Variants in FAM110B observed in about 807,000 individuals in gnomAD.
The protein encoded by FAM110B is family with sequence similarity 110 member B.
FAM110B carries 6 observed loss-of-function variants against 20.4 expected under a neutral mutation model. The ratio of observed to expected loss-of-function variants is 0.29; its 90% CI spans 0.16 to 0.58. The LOEUF (loss-of-function observed/expected upper bound fraction) is 0.58, where lower values mean the gene tolerates loss of function less well. Ranked by LOEUF, FAM110B falls within the 20% of genes least tolerant of loss-of-function variation. FAM110B has a pLI of 0.90. For missense variants in FAM110B, 434 were observed against 498.2 expected (o/e 0.87, Z 1.23); for synonymous variants, 226 against 214.1 (o/e 1.06, Z -0.49).
At chr8:58,088,858 T>C (rs533988756) in intron 3 of FAM110B, among the ~76,000 whole-genome samples, 2 of 152,350 alleles carry the variant, frequency 1.3e-5, no homozygotes, top group East Asian at 3.9e-4. Context: ...CTTGCTGCCT[T>C]GTAAACTTGA....
rs185275752 is a variant in FAM110B, at chr8:58,126,448, G to A, written c.-324-19459G>A. The stretch of plus-strand genomic sequence containing the variant: ...TTGCTGGGTTCTATGGTAAGTGTAT[G>A]TTTAGTTTTTCAAGAAACTGCCCAG... On this transcript the variant is annotated intron_variant, in intron 3 of 3. Transcript: ENST00000519262. Among the ~76,000 whole-genome samples, 350 of 152,260 alleles carry A rather than the reference G, an allele frequency of 2.3e-3. 2 individuals are homozygous for A. Among genetic ancestry groups the A allele is most frequent in the African/African-American group, 5.6e-3 (232 of 41,564 alleles).
chr8:58,052,921 G>A (rs1425627085), intron 2 of FAM110B, among the ~76,000 whole-genome samples: 1 of 149,816 alleles, frequency 6.7e-6, no homozygotes, highest in Non-Finnish European at 1.5e-5. Flanking sequence ...GAGTAGCTGG[G>A]ACTACAGGCG....
intron 3 of FAM110B, chr8:58,113,402 A>T (rs1316972620): frequency 9.7e-6 from 2 of 207,244 alleles, no homozygotes; most frequent in East Asian, 2.2e-4. Context: ...TTCTTCCTGT[A>T]AACCTTGACT....
chr8:58,050,924 T>G (rs1490987264), intron 2 of FAM110B, among the ~76,000 whole-genome samples: 12 of 152,162 alleles, frequency 7.9e-5, no homozygotes, highest in Admixed American at 7.9e-4. Context: ...GCTGCCAAAT[T>G]CACCCCAGCG....
intron 2 of FAM110B, among the ~76,000 whole-genome samples, chr8:58,073,944 A>G (rs1172690702): frequency 6.6e-6 from 1 of 152,204 alleles, no homozygotes; most frequent in Non-Finnish European, 1.5e-5. Flanking sequence ...TCTTGCCACC[A>G]GTAAAATCTC....
intron 3 of FAM110B, among the ~76,000 whole-genome samples, chr8:58,126,801 C>A (rs1807518124): frequency 6.6e-6 from 1 of 152,020 alleles, no homozygotes; most frequent in South Asian, 2.1e-4. Flanking sequence ...TAGATATGAG[C>A]CCTTTGTCAG....
chr8:58,012,806 TG>T (rs1430194780), intron 1 of FAM110B, among the ~76,000 whole-genome samples: 1 of 152,220 alleles, frequency 6.6e-6, no homozygotes, highest in East Asian at 1.9e-4. Context: ...TTCTTCAGGT[TG>T]TTTGGGGAGT....
At chr8:58,053,753 G>C (rs767705965) in intron 2 of FAM110B, among the ~76,000 whole-genome samples, 4 of 151,886 alleles carry the variant, frequency 2.6e-5, no homozygotes, top group Non-Finnish European at 5.9e-5. Context: ...TCAATATTTG[G>C]CTTAACTTAA....
intron 2 of FAM110B, among the ~76,000 whole-genome samples, chr8:58,040,366 T>C (rs11777620): frequency 0.075 from 11,409 of 152,256 alleles, 536 homozygotes; most frequent in East Asian, 0.17. Context: ...GAGAAACTGG[T>C]ATCTGTATCC....
At chr8:58,113,444 C>T (rs180737482) in intron 3 of FAM110B, 19 of 192,656 alleles carry the variant, frequency 9.9e-5, no homozygotes, top group Admixed American at 4.9e-4. Context: ...TTATAGTGTC[C>T]TCACACAGCC....
chr8:58,146,871 C>G lies in FAM110B; in HGVS notation c.641C>G (p.Ala214Gly). 1 of 1,614,006 alleles carries G rather than the reference C, an allele frequency of 6.2e-7. No individual in the cohort carries two copies. The highest frequency in any genetic ancestry group is 8.5e-7 in the Non-Finnish European group (1 of 1,179,952). Residue 214 changes from alanine (A) to glycine (G), a missense_variant, in exon 4 of 4, where the codon GCC becomes GGC. Physicochemically the swap from Ala to Gly is moderately conservative, Grantham distance 60. Transcript: ENST00000519262. ...RKVTSVKPLK[A>G]IPCSSSAPPL... ...GTGACCAGCGTGAAGCCCCTCAAGG[C>G]CATCCCCTGCAGTAGCTCTGCCCCT...
intron 3 of FAM110B, among the ~76,000 whole-genome samples, chr8:58,097,591 C>T (rs189122067): frequency 1.5e-3 from 233 of 152,228 alleles, no homozygotes; most frequent in African/African-American, 5.2e-3. Flanking sequence ...TCCTTGCTGG[C>T]TAGGAGTTGT....
intron 3 of FAM110B, among the ~76,000 whole-genome samples, chr8:58,134,954 A>G (rs940512086): frequency 7.9e-5 from 12 of 152,216 alleles, no homozygotes; most frequent in Non-Finnish European, 1.5e-4. Flanking sequence ...TGGTCAAAAG[A>G]GTAGATTTTC....
At chr8:58,031,035 G>A (rs1260846259) in intron 1 of FAM110B, among the ~76,000 whole-genome samples, 3 of 152,112 alleles carry the variant, frequency 2.0e-5, no homozygotes, top group African/African-American at 7.2e-5. Context: ...GACTATTGAG[G>A]CCATCAAGAT....
intron 1 of FAM110B, among the ~76,000 whole-genome samples, chr8:58,009,180 C>A (rs912022724): frequency 5.3e-5 from 8 of 152,206 alleles, no homozygotes; most frequent in African/African-American, 1.4e-4. Flanking sequence ...CTGCTTTGGT[C>A]TTAAACCTCT....
chr8:58,082,512 A>G (rs970116126), intron 3 of FAM110B, among the ~76,000 whole-genome samples: 1 of 152,224 alleles, frequency 6.6e-6, no homozygotes. Flanking sequence ...AGTCATGTAC[A>G]TTCTTTAGTC....
chr8:58,013,542 C>T (rs1250689632), intron 1 of FAM110B, among the ~76,000 whole-genome samples: 1 of 152,162 alleles, frequency 6.6e-6, no homozygotes, highest in Non-Finnish European at 1.5e-5. Flanking sequence ...CAGGCTTCAG[C>T]TTAATGTGCA....
chr8:58,083,640 A>G (rs1806257922), intron 3 of FAM110B, among the ~76,000 whole-genome samples: 1 of 152,228 alleles, frequency 6.6e-6, no homozygotes, highest in South Asian at 2.1e-4. Flanking sequence ...CCCACACTCC[A>G]GGGCCAATGA....
intron 3 of FAM110B, among the ~76,000 whole-genome samples, chr8:58,089,511 C>G (rs1279145292): frequency 3.3e-5 from 5 of 152,126 alleles, no homozygotes; most frequent in Non-Finnish European, 7.4e-5. Context: ...TCACTTCTTC[C>G]CTATTAGCAG....
Sources: gnomAD v4.1 joint callset for allele counts (sites outside exome capture counted in the v4.1 genomes callset) on GRCh38, gnomAD v4.1.1 for gene constraint, MANE v1.5 for transcripts, NCBI Gene and HGNC (gene_info 2026-07-23, HGNC 2026-07-21) for gene names.